The following PHACTR3 variants were observed in gnomAD, a reference collection of about 807,000 sequenced individuals.
PHACTR3 encodes phosphatase and actin regulator 3, also known as protein phosphatase 1, regulatory subunit 123.
Under a neutral mutation model 66.8 loss-of-function variants are expected in PHACTR3, and 16 were observed. That is an observed-to-expected ratio of 0.24 (90% confidence interval 0.16 to 0.36). The LOEUF (loss-of-function observed/expected upper bound fraction) is 0.36, where lower values mean the gene tolerates loss of function less well. PHACTR3 is among the 10% of genes least tolerant of loss of function. The pLI, the probability that PHACTR3 is intolerant of heterozygous loss-of-function variation, is 1.00. For missense variants in PHACTR3, 647 were observed against 719.9 expected, an observed-to-expected ratio of 0.90 and a Z score of 1.16; for synonymous variants, 323 against 292.1, an observed-to-expected ratio of 1.11 and a Z score of -1.08.
chr20:59,819,627 C>G (rs767795226), intron 8 of PHACTR3, among the ~76,000 whole-genome samples: 4 of 152,308 alleles, frequency 2.6e-5, no homozygotes, highest in African/African-American at 9.6e-5. Flanking sequence ...AGGTTGCCAC[C>G]CCCGTGTGTG....
chr20:59,730,587 C>T (rs978323128), intron 1 of PHACTR3, among the ~76,000 whole-genome samples: 2 of 152,058 alleles, frequency 1.3e-5, no homozygotes, highest in African/African-American at 4.8e-5. Flanking sequence ...GCTGGACTGC[C>T]CCCAGGGGTT....
chr20:59,807,909 G>A (rs868550931), intron 8 of PHACTR3, among the ~76,000 whole-genome samples: 1 of 152,194 alleles, frequency 6.6e-6, no homozygotes, highest in Non-Finnish European at 1.5e-5. Flanking sequence ...CCACCCATCT[G>A]CCGTCTGGCT....
At chr20:59,617,669 C>T (rs1267179710) in intron 1 of PHACTR3, among the ~76,000 whole-genome samples, 1 of 152,128 alleles carries the variant, frequency 6.6e-6, no homozygotes, top group Non-Finnish European at 1.5e-5. Context: ...GTGGGGCTGA[C>T]ATTCTGGGTG....
At chr20:59,781,814 T>C (rs370419914) in intron 7 of PHACTR3, among the ~76,000 whole-genome samples, 189 of 152,168 alleles carry the variant, frequency 1.2e-3, no homozygotes, top group Non-Finnish European at 2.4e-3. Context: ...AGGAAGTATA[T>C]TTCAGCAAGC....
In PHACTR3 at chr20:59,755,370, G is replaced by T. The variant is rs1219245001; in HGVS notation, c.541+6G>T. ...TGCCCACTTGGACGATGCAGGTACT[G>T]GCTGGAGACCACGCGAAGTTGAGCT... On this transcript the variant is annotated splice_donor_region_variant and intron_variant, in intron 4 of 12. Transcript: ENST00000371015. 3.1e-6 allele frequency: 5 copies of T among 1,612,312 alleles called. No homozygotes were observed. The Admixed American group carries it at 8.3e-5, about 27-fold the overall frequency.
chr20:59,808,343 G>A (rs1046362908), intron 8 of PHACTR3, among the ~76,000 whole-genome samples: 1 of 152,236 alleles, frequency 6.6e-6, no homozygotes, highest in African/African-American at 2.4e-5. Flanking sequence ...GTGGGCCTCT[G>A]TTTCCCCTTT....
At chr20:59,692,093 C>T (rs2037128895) in intron 1 of PHACTR3, among the ~76,000 whole-genome samples, 1 of 152,224 alleles carries the variant, frequency 6.6e-6, no homozygotes, top group South Asian at 2.1e-4. Flanking sequence ...GCCAACACCA[C>T]TCCTTTGTCT....
chr20:59,831,592 G>A (rs1002250445), intron 8 of PHACTR3, among the ~76,000 whole-genome samples: 2 of 152,076 alleles, frequency 1.3e-5, no homozygotes, highest in Admixed American at 6.5e-5. Flanking sequence ...GGGAGGTTTG[G>A]GGAATCCCAC....
chr20:59,709,151 T>C (rs536121252), intron 1 of PHACTR3, among the ~76,000 whole-genome samples: 39 of 152,380 alleles, frequency 2.6e-4, no homozygotes, highest in African/African-American at 9.1e-4. Flanking sequence ...TCAGTCTCTT[T>C]TATTCAATCT....
chr20:59,605,273 A>G (rs1424484170), intron 1 of PHACTR3, 141 bp downstream of exon 1: 1 of 516,810 alleles, frequency 1.9e-6, no homozygotes, highest in Non-Finnish European at 3.0e-6. Context: ...CGCGGTTCCT[A>G]TCCCCAGTCT....
At chr20:59,789,962 C>G (rs1347690778) in intron 7 of PHACTR3, among the ~76,000 whole-genome samples, 2 of 152,228 alleles carry the variant, frequency 1.3e-5, no homozygotes, top group Non-Finnish European at 2.9e-5. Flanking sequence ...AGACATACTT[C>G]CTTGTAACTA....
rs1600732337 is a variant in PHACTR3, at chr20:59,830,213, AGAAGAGGGCGTGAGTGTCTGATG to A, written c.1329-6283_1329-6261del. ...ATGGAAGAGGGTATGAGTGTCTGAT[AGAAGAGGGCGTGAGTGTCTGATG>A]GAAGAGGGTATGAGTGTCTGATAGA... On this transcript the variant is annotated intron_variant, in intron 8 of 12. Transcript: ENST00000371015. This position sits in a 1 kb window ranked among gnomAD's most constrained non-coding sequence, Gnocchi z 5.8. Among the ~76,000 whole-genome samples, 4 of 143,320 alleles carry A rather than the reference AGAAGAGGGCGTGAGTGTCTGATG, an allele frequency of 2.8e-5. No homozygotes were observed. The highest frequency in any genetic ancestry group is 1.2e-4 in the African/African-American group (4 of 34,622). 94.0% of individuals were successfully genotyped at this position (143,320 alleles called of 152,430 possible).
chr20:59,764,100 C>G (rs1001474397), intron 4 of PHACTR3, among the ~76,000 whole-genome samples: 2 of 152,038 alleles, frequency 1.3e-5, no homozygotes, highest in African/African-American at 4.8e-5. Context: ...GCGGGACAAC[C>G]TGTCAATAGC....
intron 3 of PHACTR3, among the ~76,000 whole-genome samples, chr20:59,754,655 G>A (rs533524762): frequency 6.6e-5 from 10 of 152,344 alleles, no homozygotes; most frequent in South Asian, 2.1e-4. Flanking sequence ...AGCAATCACC[G>A]TTTGTTGTCC....
intron 8 of PHACTR3, among the ~76,000 whole-genome samples, chr20:59,822,684 TTC>T (rs1327799251): frequency 1.3e-5 from 2 of 152,184 alleles, no homozygotes; most frequent in African/African-American, 4.8e-5. Flanking sequence ...TGGATTTGGT[TTC>T]TCTCTGACTC....
intron 1 of PHACTR3, among the ~76,000 whole-genome samples, chr20:59,619,468 C>T (rs2034158747): frequency 6.6e-6 from 1 of 152,106 alleles, no homozygotes; most frequent in South Asian, 2.1e-4. Flanking sequence ...CTCTTGCTAA[C>T]ACCCTGAGTG....
At chr20:59,707,207 A>G (rs1351641020) in intron 1 of PHACTR3, among the ~76,000 whole-genome samples, 1 of 152,116 alleles carries the variant, frequency 6.6e-6, no homozygotes, top group Non-Finnish European at 1.5e-5. Context: ...TTCATCCCCC[A>G]TCAGGTTCTC....
At chr20:59,629,682 A>G (rs1342782656) in intron 1 of PHACTR3, among the ~76,000 whole-genome samples, 1 of 152,168 alleles carries the variant, frequency 6.6e-6, no homozygotes, top group Non-Finnish European at 1.5e-5. Context: ...TTATCAGACA[A>G]TGGAGCGGAA....
intron 1 of PHACTR3, among the ~76,000 whole-genome samples, chr20:59,656,257 G>T (rs928567115): frequency 1.3e-5 from 2 of 151,692 alleles, no homozygotes; most frequent in Non-Finnish European, 3.0e-5. Context: ...TGAAGTCTCC[G>T]ATTTTTATTA....
Sources: allele counts gnomAD v4.1 joint callset (sites outside exome capture counted in the v4.1 genomes callset), GRCh38; gene constraint gnomAD v4.1.1; non-coding constraint Gnocchi (gnomAD v3.1); transcripts MANE v1.5; gene names NCBI Gene and HGNC (gene_info 2026-07-23, HGNC 2026-07-21).